The following NT5E variants were observed in gnomAD, a reference collection of about 807,000 sequenced individuals.
NT5E encodes the protein 5'-nucleotidase ecto, also known as 5'-nucleotidase.
NT5E carries 53 observed loss-of-function variants against 55.1 expected under a neutral mutation model. The ratio of observed to expected loss-of-function variants is 0.96; its 90% CI spans 0.77 to 1.21. The LOEUF (loss-of-function observed/expected upper bound fraction) is 1.21. NT5E is among the 50% of genes most tolerant of loss of function. The probability of loss-of-function intolerance (pLI) is 0.00; values close to 1 mark genes in which losing one functional copy is unlikely to be tolerated. For synonymous variants in NT5E, 270 were observed against 278.4 expected (o/e 0.97, Z 0.30); for missense variants, 683 against 724.3 (o/e 0.94, Z 0.65).
Position 85,490,558 on chromosome 6 carries a change from T to G in NT5E, c.1261T>G (p.Phe421Val). The G allele has an allele frequency of 2.5e-6, 4 of 1,614,190 alleles. No homozygotes were observed. The highest frequency in any genetic ancestry group is 3.4e-6 in the Non-Finnish European group (4 of 1,180,014). ...LAAVLPFGGT[F>V]DLVQLKGSTL... is the part of the protein sequence containing the mutation. The stretch of plus-strand genomic sequence containing the variant: ...TGCTGTATTGCCCTTTGGAGGCACA[T>G]TTGACCTAGTCCAGTTAAAAGGTTC... Residue 421 changes from phenylalanine (F) to valine (V), a missense_variant, in exon 7 of 9, where the codon TTT becomes GTT. Coordinates refer to ENST00000257770, the MANE Select transcript of NT5E (RefSeq NM_002526.4).
At position 85,450,677 on chromosome 6, in the gene NT5E, G is replaced by A. The variant is rs1187718136; in HGVS notation, c.339+199G>A. On this transcript the variant is annotated intron_variant, in intron 1 of 8. Transcript: ENST00000257770. The surrounding 1 kb of genome is among the most constrained non-coding windows in gnomAD (Gnocchi z 4.0). ...ATTCGTCTTAAACGGACGTTATTGCGCCCCCACTATGAGATGGGAGTATTT... is the reference window on the plus strand; with the variant it reads ...ATTCGTCTTAAACGGACGTTATTGCACCCCCACTATGAGATGGGAGTATTT... Among the ~76,000 whole-genome samples the A allele has an allele frequency of 6.6e-6, 1 of 152,184 alleles. No individual in the cohort carries two copies. Among genetic ancestry groups the A allele is most frequent in the Non-Finnish European group, 1.5e-5 (1 of 68,026 alleles).
intron 2 of NT5E, among the ~76,000 whole-genome samples, chr6:85,469,475 T>C (rs1186571566): frequency 1.3e-5 from 2 of 151,508 alleles, no homozygotes; most frequent in African/African-American, 4.9e-5. Flanking sequence ...AATGAGTAAA[T>C]GGTTTGGTAT....
At chr6:85,452,578 A>G (rs1019722213) in intron 1 of NT5E, among the ~76,000 whole-genome samples, 1 of 152,154 alleles carries the variant, frequency 6.6e-6, no homozygotes, top group Non-Finnish European at 1.5e-5. Flanking sequence ...GGCAGGGGGT[A>G]AAGATTGGGA....
intron 3 of NT5E, among the ~76,000 whole-genome samples, chr6:85,484,629 G>C (rs1283281102): frequency 6.6e-6 from 1 of 152,176 alleles, no homozygotes; most frequent in East Asian, 1.9e-4. Flanking sequence ...GCCAAGAACA[G>C]CTCTTTGTCA....
chr6:85,466,761 C>T (rs1160651639), intron 1 of NT5E, among the ~76,000 whole-genome samples: 3 of 152,136 alleles, frequency 2.0e-5, no homozygotes, highest in Admixed American at 2.0e-4. Flanking sequence ...TGGGCAGAGG[C>T]TGGTAAATGT....
intron 3 of NT5E, among the ~76,000 whole-genome samples, chr6:85,480,016 G>A (rs1582382258): frequency 6.6e-6 from 1 of 152,182 alleles, no homozygotes; most frequent in South Asian, 2.1e-4. Context: ...TATTCATGGA[G>A]CAGCCATTAC....
chr6:85,481,334 T>C (rs76288710), intron 3 of NT5E, among the ~76,000 whole-genome samples: 1,628 of 152,166 alleles, frequency 0.011, 26 homozygotes, highest in African/African-American at 0.037. Flanking sequence ...TGTGAAAGCG[T>C]ATAAAAGGAG....
At chr6:85,490,902 A>C in intron 7 of NT5E, 1 of 567,856 alleles carries the variant, frequency 1.8e-6, no homozygotes, top group Non-Finnish European at 3.2e-6. Context: ...TGATTTGGAC[A>C]TCAGATGGGC....
intron 1 of NT5E, among the ~76,000 whole-genome samples, chr6:85,460,444 A>G (rs1209582878): frequency 1.3e-5 from 2 of 152,204 alleles, no homozygotes; most frequent in African/African-American, 4.8e-5. Flanking sequence ...TGGTTTTTTC[A>G]CAACAATAAA....
chr6:85,476,055 G>A (rs1219928495), intron 3 of NT5E, among the ~76,000 whole-genome samples: 2 of 152,076 alleles, frequency 1.3e-5, no homozygotes, highest in African/African-American at 4.8e-5. Context: ...TCACCTCCAA[G>A]CAATGTCCCA....
Position 85,492,156 on chromosome 6 carries a change from G to T in NT5E, c.1540G>T (p.Glu514Ter). Residue 514 changes from glutamate to a stop codon, truncating the protein, a stop_gained, in exon 8 of 9, where the codon GAA becomes TAA. Transcript: ENST00000257770. LOFTEE classifies it high-confidence loss of function. ...AGATGGGTTCCAGATGATAAAAGATGAATTATTAAGACATGACTCTGGTAA... is the reference window on the plus strand; with the variant it reads ...AGATGGGTTCCAGATGATAAAAGATTAATTATTAAGACATGACTCTGGTAA... The part of the protein sequence containing the change: ...GGDGFQMIKD[E>*]LLRHDSGDQD... The T allele has an allele frequency of 6.2e-7, 1 of 1,614,016 alleles. No homozygotes were observed. The highest frequency in any genetic ancestry group is 8.5e-7 in the Non-Finnish European group (1 of 1,179,938).
intron 1 of NT5E, among the ~76,000 whole-genome samples, chr6:85,463,516 A>G (rs145147640): frequency 1.3e-5 from 2 of 152,370 alleles, no homozygotes; most frequent in East Asian, 1.9e-4. Flanking sequence ...CAAAAAATGT[A>G]CAGGAACACA....
intron 1 of NT5E, among the ~76,000 whole-genome samples, chr6:85,460,410 A>G (rs1769073172): frequency 6.6e-6 from 1 of 152,242 alleles, no homozygotes; most frequent in African/African-American, 2.4e-5. Flanking sequence ...TACTAATATA[A>G]TAATAAGCAT....
At position 85,450,551 on chromosome 6, in the gene NT5E, G is replaced by A. The variant is rs1456133682; in HGVS notation, c.339+73G>A. ...GAGCCGGGCTGGAAAAGCAGCGGATGGCAGAGTGTGGCAAGCCTAGGTCCA... is the reference window on the plus strand; with the variant it reads ...GAGCCGGGCTGGAAAAGCAGCGGATAGCAGAGTGTGGCAAGCCTAGGTCCA... On this transcript the variant is annotated intron_variant, in intron 1 of 8. Coordinates refer to ENST00000257770, the MANE Select transcript of NT5E (RefSeq NM_002526.4). This position sits in a 1 kb window ranked among gnomAD's most constrained non-coding sequence, Gnocchi z 4.0. The A allele has an allele frequency of 4.4e-6, 6 of 1,373,372 alleles. No individual in the cohort carries two copies. The highest frequency in any genetic ancestry group is 6.1e-6 in the Non-Finnish European group (6 of 989,158). 85.1% of individuals were successfully genotyped at this position (1,373,372 alleles called of 1,614,324 possible).
At chr6:85,480,746 G>A (rs2127723260) in intron 3 of NT5E, among the ~76,000 whole-genome samples, 1 of 152,306 alleles carries the variant, frequency 6.6e-6, no homozygotes, top group African/African-American at 2.4e-5. Flanking sequence ...AGGATTTCTT[G>A]TGTGTTAAAG....
chr6:85,458,730 GAACCTTCCTGGACCTC>G (rs1322810921), intron 1 of NT5E, among the ~76,000 whole-genome samples: 1 of 152,176 alleles, frequency 6.6e-6, no homozygotes, highest in Non-Finnish European at 1.5e-5. Context: ...AGATATAGTT[GAACCTTCCTGGACCTC>G]AATTAGTTGG....
At chr6:85,465,804 A>G (rs914630612) in intron 1 of NT5E, among the ~76,000 whole-genome samples, 1 of 152,190 alleles carries the variant, frequency 6.6e-6, no homozygotes, top group African/African-American at 2.4e-5. Context: ...GACTGATATA[A>G]AAGAAAGATC....
intron 6 of NT5E, 98 bp from the exon 7 acceptor site, chr6:85,490,410 C>A (rs1163379744): frequency 7.5e-7 from 1 of 1,340,478 alleles, no homozygotes; most frequent in Non-Finnish European, 1.1e-6. Context: ...CTTCCCATGT[C>A]CCCCTCATTT....
At chr6:85,459,310 G>A (rs1041488102) in intron 1 of NT5E, among the ~76,000 whole-genome samples, 2 of 152,192 alleles carry the variant, frequency 1.3e-5, no homozygotes, top group Admixed American at 6.5e-5. Flanking sequence ...TGCAACCTCA[G>A]CCCTTAACGA....
Sources: allele counts gnomAD v4.1 joint callset (sites outside exome capture counted in the v4.1 genomes callset), GRCh38; gene constraint gnomAD v4.1.1; non-coding constraint Gnocchi (gnomAD v3.1); transcripts MANE v1.5; gene names NCBI Gene and HGNC (gene_info 2026-07-23, HGNC 2026-07-21).